The following RANBP2 variants were observed in gnomAD, a reference collection of about 807,000 sequenced individuals.
RANBP2 encodes RAN binding protein 2, also known as E3 SUMO-protein ligase RanBP2.
RANBP2 carries 57 observed loss-of-function variants against 303.6 expected under a neutral mutation model. The ratio of observed to expected loss-of-function variants is 0.19; its 90% confidence interval spans 0.15 to 0.23. RANBP2 has a LOEUF of 0.23. Among genes scored for constraint, RANBP2 ranks in the 10% least tolerant of loss-of-function variants. RANBP2 has a pLI of 1.00. For synonymous variants in RANBP2, 1,167 were observed against 1,301.5 expected, an observed-to-expected ratio of 0.90 and a Z score of 2.23; for missense variants, 3,138 against 3,780.8, an observed-to-expected ratio of 0.83 and a Z score of 4.46.
the RANBP2 span, among the ~76,000 whole-genome samples, chr2:109,388,452 G>A: frequency 2.5e-3 from 387 of 152,290 alleles, 2 homozygotes; most frequent in African/African-American, 8.9e-3. Context: ...TTGGACTCAT[G>A]CAAGATCCAC....
chr2:109,632,099 C>T, the RANBP2 span, among the ~76,000 whole-genome samples: 2 of 152,116 alleles, frequency 1.3e-5, no homozygotes, highest in Non-Finnish European at 2.9e-5. Context: ...GCTCTAGAAC[C>T]GGAGGCTTCC....
the RANBP2 span, among the ~76,000 whole-genome samples, chr2:108,800,638 TA>T: frequency 2.3e-4 from 17 of 73,730 alleles, no homozygotes; most frequent in South Asian, 1.1e-3. Flanking sequence ...TTTTTTTTTT[TA>T]ATTATACTTT....
the RANBP2 span, among the ~76,000 whole-genome samples, chr2:109,084,179 C>T: frequency 4.1e-4 from 63 of 152,312 alleles, 1 homozygote; most frequent in African/African-American, 1.3e-3. Flanking sequence ...TGGAGGAAAA[C>T]CTACAATTCA....
chr2:109,716,426 A>G, the RANBP2 span, among the ~76,000 whole-genome samples: 1 of 151,748 alleles, frequency 6.6e-6, no homozygotes, highest in African/African-American at 2.4e-5. Flanking sequence ...TAATTTTTGT[A>G]TATTTAGTAG....
chr2:109,699,755 G>T, the RANBP2 span, among the ~76,000 whole-genome samples: 1 of 152,118 alleles, frequency 6.6e-6, no homozygotes, highest in South Asian at 2.1e-4. Flanking sequence ...ATTGTTCAGG[G>T]GTCAACTGTT....
the RANBP2 span, among the ~76,000 whole-genome samples, chr2:108,796,359 A>G: frequency 6.6e-6 from 1 of 152,140 alleles, no homozygotes; most frequent in Non-Finnish European, 1.5e-5. Context: ...TGGCCAAATC[A>G]GTCTATAGTT....
At chr2:109,201,048 T>C in the RANBP2 span, among the ~76,000 whole-genome samples, 2 of 152,162 alleles carry the variant, frequency 1.3e-5, no homozygotes, top group Non-Finnish European at 1.5e-5. Context: ...CCCTGTGAGC[T>C]GGAGCTCCAG....
At chr2:108,926,096 G>A in the RANBP2 span, among the ~76,000 whole-genome samples, 5 of 152,128 alleles carry the variant, frequency 3.3e-5, no homozygotes, top group African/African-American at 7.2e-5. Context: ...ACTCCTCACC[G>A]CCTGGCTTAC....
At chr2:109,615,971 G>A in the RANBP2 span, 1 of 1,574,422 alleles carries the variant, frequency 6.4e-7, no homozygotes, top group Non-Finnish European at 8.6e-7. Flanking sequence ...CAGAGCAGCC[G>A]CTGGAGGGCA....
chr2:109,305,290 CTG>C, the RANBP2 span, among the ~76,000 whole-genome samples: 1 of 152,164 alleles, frequency 6.6e-6, no homozygotes, highest in Non-Finnish European at 1.5e-5. Flanking sequence ...GGCGTTTTGA[CTG>C]AGGCCTGTCA....
chr2:109,166,045 T>C, the RANBP2 span, among the ~76,000 whole-genome samples: 1 of 152,190 alleles, frequency 6.6e-6, no homozygotes, highest in Admixed American at 6.5e-5. Flanking sequence ...ATACATACCT[T>C]GGTGAGCCTC....
chr2:108,826,279 CT>C, the RANBP2 span, among the ~76,000 whole-genome samples: 3 of 152,062 alleles, frequency 2.0e-5, no homozygotes, highest in African/African-American at 7.2e-5. Context: ...CCAATTTATG[CT>C]TTTTTCTTTG....
the RANBP2 span, among the ~76,000 whole-genome samples, chr2:109,020,712 C>T: frequency 1.3e-5 from 2 of 152,212 alleles, no homozygotes; most frequent in South Asian, 4.1e-4. Context: ...TGTGATTTTC[C>T]ATGAGGTGAC....
the RANBP2 span, among the ~76,000 whole-genome samples, chr2:109,011,732 A>G: frequency 6.6e-6 from 1 of 152,088 alleles, no homozygotes; most frequent in Non-Finnish European, 1.5e-5. Flanking sequence ...CTTTCTGGGA[A>G]ACTTCCTCAC....
the RANBP2 span, among the ~76,000 whole-genome samples, chr2:109,078,243 GCGTGTATATATATATATAT>G: frequency 4.7e-5 from 1 of 21,352 alleles, no homozygotes; most frequent in Non-Finnish European, 8.8e-5. Flanking sequence ...TATATATATA[GCGTGTATATATATATATAT>G]AGCGCGTATA....
chr2:108,806,387 A>T, the RANBP2 span, among the ~76,000 whole-genome samples: 6 of 152,296 alleles, frequency 3.9e-5, no homozygotes, highest in South Asian at 2.1e-4. Context: ...ATTGGGGTGG[A>T]TATGTGGATT....
the RANBP2 span, among the ~76,000 whole-genome samples, chr2:108,827,814 TAAAAAAA>T: frequency 7.5e-6 from 1 of 134,110 alleles, no homozygotes; most frequent in African/African-American, 2.8e-5. Context: ...AGAATATGTC[TAAAAAAA>T]AAAAAAAAAA....
At position 108,784,466 on chromosome 2, in the gene RANBP2, G is replaced by A. The variant is rs1678467385; in HGVS notation, c.*565G>A. On this transcript the variant is annotated 3_prime_UTR_variant, in exon 29 of 29. Transcript: ENST00000283195. ...GTGTGGTTACAAGTTAACTTTGTAA[G>A]TAGCGTACCTTCCTTCCTTAAAATA... The A allele has an allele frequency of 6.5e-6, 1 of 152,724 alleles. No individual in the cohort carries two copies. The highest frequency in any genetic ancestry group is 6.5e-5 in the Admixed American group (1 of 15,280). The allele number at this position is 152,724 out of a possible 1,614,324, so 9.5% of individuals were successfully genotyped here.
At chr2:108,845,081 A>G in the RANBP2 span, among the ~76,000 whole-genome samples, 1 of 152,104 alleles carries the variant, frequency 6.6e-6, no homozygotes, top group African/African-American at 2.4e-5. Flanking sequence ...TTCATTATAA[A>G]AGTGTAGTAG....
Sources: allele counts gnomAD v4.1 joint callset (sites outside exome capture counted in the v4.1 genomes callset), GRCh38; gene constraint gnomAD v4.1.1; transcripts MANE v1.5; gene names NCBI Gene and HGNC (gene_info 2026-07-23, HGNC 2026-07-21).